Variants in ADNP2 observed in about 807,000 individuals in gnomAD.
ADNP2 encodes the protein ADNP homeobox 2, also known as activity-dependent neuroprotector homeobox protein 2.
ADNP2 carries 8 observed loss-of-function variants against 16.4 expected under a neutral mutation model. The observed-to-expected ratio is 0.49, with a 90% CI of 0.29 to 0.88. The LOEUF (loss-of-function observed/expected upper bound fraction) is 0.88. Ranked by LOEUF, ADNP2 falls within the 40% of genes least tolerant of loss-of-function variation. ADNP2 has a pLI of 0.09. For synonymous variants in ADNP2, 637 were observed against 545.8 expected (o/e 1.17, Z -2.33); for missense variants, 1,397 against 1,395.1 (o/e 1.00, Z -0.02).
At position 80,136,791 on chromosome 18, in the gene ADNP2, A is replaced by T; in HGVS notation, c.1378A>T (p.Met460Leu). The T allele has an allele frequency of 6.2e-7, 1 of 1,613,554 alleles. No individual in the cohort carries two copies. Among genetic ancestry groups the T allele is most frequent in the South Asian group, 1.1e-5 (1 of 90,982 alleles). ...PAGQMTPAGQ[M>L]TPAGVIPGQT... is the part of the protein sequence containing the mutation. ...AGGCCAGATGACTCCTGCAGGCCAG[A>T]TGACTCCTGCAGGGGTTATCCCTGG... Residue 460 changes from methionine to leucine, a missense_variant, in exon 4 of 4, where the codon ATG (methionine) becomes TTG (leucine). This residue lies in a region of ADNP2 where 777 missense variants were observed against 719.4 expected (regional missense o/e 1.08). Coordinates refer to ENST00000262198, the MANE Select transcript of ADNP2 (RefSeq NM_014913.4).
At chr18:80,135,391 A>C (rs925865036) in intron 3 of ADNP2, among the ~76,000 whole-genome samples, 2 of 152,238 alleles carry the variant, frequency 1.3e-5, no homozygotes, top group African/African-American at 4.8e-5. Flanking sequence ...GGCAGTGCTG[A>C]GTAGTTGCCA....
chr18:80,119,641 C>T (rs1441295738), intron 2 of ADNP2, among the ~76,000 whole-genome samples: 1 of 152,182 alleles, frequency 6.6e-6, no homozygotes, highest in Admixed American at 6.5e-5. Context: ...AGTAGCCTGG[C>T]TGAGAAAAGT....
chr18:80,133,256 T>G, intron 3 of ADNP2, 64 bp downstream of exon 3: 2 of 1,301,164 alleles, frequency 1.5e-6, no homozygotes, highest in Non-Finnish European at 2.2e-6. Flanking sequence ...GTAAATGTGG[T>G]CTAAAGAACA....
rs757642523 is a variant in ADNP2, at chr18:80,138,173, G to A, written c.2760G>A (p.Gly920=). 6.2e-7 allele frequency: 1 copy of A among 1,614,146 alleles called. No individual in the cohort carries two copies. Among genetic ancestry groups the A allele is most frequent in the Admixed American group, 1.7e-5 (1 of 60,024 alleles). ...CCTTCAAGTGCATCCACTGCTGTGG[G>A]GTCTACACGGGAAATATGACCCTGG... The part of the protein sequence containing the change: ...SPAFKCIHCC[G]VYTGNMTLAA... Residue 920 remains glycine, a synonymous_variant, in exon 4 of 4, where the codon GGG becomes GGA. Transcript: ENST00000262198.
In ADNP2 at chr18:80,136,082, T is replaced by C; in HGVS notation, c.669T>C (p.Asn223=). ...ATTACTGTAAAAAGTGCAACGCCAA[T>C]GCCAGCAGCCAGGATGCGTTAATGT... The part of the protein sequence containing the change: ...DKYYCKKCNA[N]ASSQDALMYH... Residue 223 remains asparagine, a synonymous_variant, in exon 4 of 4, where the codon AAT becomes AAC. Transcript: ENST00000262198. 6.2e-7 allele frequency: 1 copy of C among 1,614,172 alleles called. No homozygotes were observed. Among genetic ancestry groups the C allele is most frequent in the Non-Finnish European group, 8.5e-7 (1 of 1,180,010 alleles).
chr18:80,137,669 T>C lies in ADNP2; in HGVS notation c.2256T>C (p.Cys752=). ...AGAAAACGGTGCGATGTCTGTCTTGTAAGTGCTTGGTCTCTGAGGAAGAGC... is the reference window on the plus strand; with the variant it reads ...AGAAAACGGTGCGATGTCTGTCTTGCAAGTGCTTGGTCTCTGAGGAAGAGC... ...MREKTVRCLS[C]KCLVSEEELI... Residue 752 remains cysteine, a synonymous_variant, in exon 4 of 4, where the codon TGT becomes TGC. Transcript: ENST00000262198. This position sits in a 1 kb window ranked among gnomAD's most constrained non-coding sequence, Gnocchi z 4.2. The C allele has an allele frequency of 6.2e-7, 1 of 1,614,208 alleles. No homozygotes were observed. Among genetic ancestry groups the C allele is most frequent in the East Asian group, 2.2e-5 (1 of 44,886 alleles).
At chr18:80,115,136 G>A (rs1023604832) in intron 1 of ADNP2, among the ~76,000 whole-genome samples, 4 of 152,166 alleles carry the variant, frequency 2.6e-5, no homozygotes, top group Non-Finnish European at 5.9e-5. Context: ...GGGTTGGAAG[G>A]TATTGTGTGT....
chr18:80,127,686 T>G (rs936951812), intron 2 of ADNP2, among the ~76,000 whole-genome samples: 6 of 152,210 alleles, frequency 3.9e-5, no homozygotes, highest in African/African-American at 1.2e-4. Context: ...GTTGTTTCCT[T>G]TAAATATATT....
intron 2 of ADNP2, among the ~76,000 whole-genome samples, chr18:80,130,027 G>C (rs1429880075): frequency 6.6e-6 from 1 of 152,188 alleles, no homozygotes; most frequent in African/African-American, 2.4e-5. Context: ...TGAGTAGTTA[G>C]TTAACCTTTC....
In ADNP2 at chr18:80,139,325, C is replaced by G. The variant is rs950499852; in HGVS notation, c.*516C>G. On this transcript the variant is annotated 3_prime_UTR_variant, in exon 4 of 4. Coordinates refer to ENST00000262198, the MANE Select transcript of ADNP2 (RefSeq NM_014913.4). ...CCTGAGGATGCACTGCATTAACTTA[C>G]GCTGACTTCTTTGTAAGATCTTTGC... 6.6e-6 allele frequency: 1 copy of G among 152,036 alleles called. No homozygotes were observed. Among genetic ancestry groups the G allele is most frequent in the Non-Finnish European group, 1.5e-5 (1 of 68,064 alleles). The allele number at this position is 152,036 out of a possible 1,614,324, so 9.4% of individuals were successfully genotyped here. A position where few individuals can be genotyped will look rare whatever the true frequency, so the allele number is the denominator to read the frequency against.
At chr18:80,120,256 A>G (rs2052415743) in intron 2 of ADNP2, among the ~76,000 whole-genome samples, 1 of 152,238 alleles carries the variant, frequency 6.6e-6, no homozygotes, top group African/African-American at 2.4e-5. Flanking sequence ...ACTGAGCATT[A>G]AATCCCTTGA....
At position 80,135,680 on chromosome 18, in the gene ADNP2, G is replaced by C. The variant is rs1568414778; in HGVS notation, c.267G>C (p.Lys89Asn). 2 of 1,614,182 alleles carry C rather than the reference G, an allele frequency of 1.2e-6. No homozygotes were observed. Among genetic ancestry groups the C allele is most frequent in the Non-Finnish European group, 1.7e-6 (2 of 1,180,032 alleles). ...CTACAAAGGTGCTTACTTCATTCAAGAATCATTTACATCGTTACCATGAAG... is the reference window on the plus strand; with the variant it reads ...CTACAAAGGTGCTTACTTCATTCAACAATCATTTACATCGTTACCATGAAG... ...KYSTKVLTSFKNHLHRYHEDE... is the reference protein window; with the variant it reads ...KYSTKVLTSFNNHLHRYHEDE... Residue 89 changes from lysine to asparagine, a missense_variant, in exon 4 of 4, where the codon AAG becomes AAC. Physicochemically the swap from Lys to Asn is moderately conservative, Grantham distance 94. Transcript: ENST00000262198.
At chr18:80,125,311 T>G (rs1057496966) in intron 2 of ADNP2, among the ~76,000 whole-genome samples, 1 of 151,786 alleles carries the variant, frequency 6.6e-6, no homozygotes, top group African/African-American at 2.4e-5. Flanking sequence ...GCCAGGAGTT[T>G]TAGACCAGCC....
In ADNP2 at chr18:80,137,336, C is replaced by G. The variant is rs368321314; in HGVS notation, c.1923C>G (p.Ile641Met). The change falls in exon 4 of 4, where the codon ATC (isoleucine) becomes ATG (methionine). Residue 641 changes from isoleucine to methionine, a missense_variant. Physicochemically the swap from Ile to Met is conservative, Grantham distance 10. This residue lies in a region of ADNP2 where 611 missense variants were observed against 648.7 expected (regional missense o/e 0.94). Transcript: ENST00000262198. This position sits in a 1 kb window ranked among gnomAD's most constrained non-coding sequence, Gnocchi z 4.2. ...LATVAPPQMP[I>M]QLLPSGAAAP... ...CTGTCGCTCCGCCCCAGATGCCCAT[C>G]CAGCTCCTGCCGTCAGGTGCAGCTG... The G allele has an allele frequency of 1.2e-6, 2 of 1,614,008 alleles. No individual in the cohort carries two copies. Among genetic ancestry groups the G allele is most frequent in the East Asian group, 2.2e-5 (1 of 44,886 alleles).
chr18:80,120,430 C>G (rs1469041365), intron 2 of ADNP2, among the ~76,000 whole-genome samples: 2 of 150,910 alleles, frequency 1.3e-5, no homozygotes, highest in Admixed American at 6.6e-5. Context: ...TTCCTGGGCT[C>G]AGATGATCCT....
intron 1 of ADNP2, among the ~76,000 whole-genome samples, chr18:80,112,882 A>G (rs1016957401): frequency 6.6e-6 from 1 of 152,208 alleles, no homozygotes; most frequent in Admixed American, 6.5e-5. Context: ...TTTCAGATAC[A>G]TATGGATGAT....
At chr18:80,128,649 C>T (rs530570109) in intron 2 of ADNP2, among the ~76,000 whole-genome samples, 10 of 151,596 alleles carry the variant, frequency 6.6e-5, no homozygotes, top group Admixed American at 2.0e-4. Flanking sequence ...GACCCCGTCT[C>T]AAAAAAAGAA....
chr18:80,112,192 C>G (rs2052362027), intron 1 of ADNP2, among the ~76,000 whole-genome samples: 1 of 152,066 alleles, frequency 6.6e-6, no homozygotes, highest in South Asian at 2.1e-4. Context: ...TGAACTATTT[C>G]ATAGTTAATT....
chr18:80,139,131 A>C lies in ADNP2; in HGVS notation c.*322A>C, dbSNP rs900330013. ...CAGTATCGTATGATAAGAAACTGAA[A>C]TCTATAAATAATTTGCTTTTTCATT... is the stretch of plus-strand genomic sequence containing the variant. On this transcript the variant is annotated 3_prime_UTR_variant, in exon 4 of 4. Transcript: ENST00000262198. 26 of 210,284 alleles carry C rather than the reference A, an allele frequency of 1.2e-4. No homozygotes were observed. The highest frequency in any genetic ancestry group is 5.2e-4 in the Admixed American group (9 of 17,278). The allele number at this position is 210,284 out of a possible 1,614,324, so 13.0% of individuals were successfully genotyped here.
Sources: gnomAD v4.1 joint callset for allele counts (sites outside exome capture counted in the v4.1 genomes callset) on GRCh38, gnomAD v4.1.1 for gene constraint, gnomAD v4.1.1 regional missense constraint, Gnocchi (gnomAD v3.1) non-coding constraint, MANE v1.5 for transcripts, NCBI Gene and HGNC (gene_info 2026-07-23, HGNC 2026-07-21) for gene names.